LEPR: variants seen among roughly 807,000 people sequenced by gnomAD.
LEPR encodes the protein leptin receptor.
In LEPR, 56 loss-of-function variants were observed where a neutral mutation model predicts 114.7. That is an observed-to-expected ratio of 0.49 (90% CI 0.39 to 0.61). The LOEUF (loss-of-function observed/expected upper bound fraction) is 0.61. LEPR is among the 20% of genes least tolerant of loss of function. The probability of loss-of-function intolerance (pLI) is 0.00; values close to 1 mark genes in which losing one functional copy is unlikely to be tolerated. For synonymous variants in LEPR, 443 were observed against 461.4 expected, an observed-to-expected ratio of 0.96 and a Z score of 0.51; for missense variants, 1,202 against 1,352.9, an observed-to-expected ratio of 0.89 and a Z score of 1.75.
At position 65,637,114 on chromosome 1, in the gene LEPR, A is replaced by C; in HGVS notation, c.*99A>C. 7.6e-7 allele frequency: 1 copy of C among 1,307,604 alleles called. No homozygotes were observed. Among genetic ancestry groups the C allele is most frequent in the South Asian group, 1.3e-5 (1 of 76,390 alleles). The allele number at this position is 1,307,604 out of a possible 1,614,324, so 81.0% of individuals were successfully genotyped here. A position where few individuals can be genotyped will look rare whatever the true frequency, so the allele number is the denominator to read the frequency against. On this transcript the variant is annotated 3_prime_UTR_variant, in exon 20 of 20. Coordinates refer to ENST00000349533, the MANE Select transcript of LEPR (RefSeq NM_002303.6). ...GAGAGAGAAAAGAAACCAGAGTCAA[A>C]TTTGAAAATAATTGTTCCAAATGAA...
chr1:65,478,369 G>C (rs1000675138), intron 2 of LEPR, among the ~76,000 whole-genome samples: 1 of 152,174 alleles, frequency 6.6e-6, no homozygotes, highest in African/African-American at 2.4e-5. Flanking sequence ...CTAAAAGGCT[G>C]CCATGTTTTC....
intron 2 of LEPR, among the ~76,000 whole-genome samples, chr1:65,425,768 A>G (rs973283037): frequency 6.6e-6 from 1 of 152,226 alleles, no homozygotes; most frequent in Non-Finnish European, 1.5e-5. Context: ...CCTGAGTTTC[A>G]GTGGGACAGT....
intron 3 of LEPR, among the ~76,000 whole-genome samples, chr1:65,569,306 C>G (rs1332732992): frequency 1.3e-5 from 2 of 152,176 alleles, no homozygotes; most frequent in Non-Finnish European, 2.9e-5. Flanking sequence ...TCTCAGAATT[C>G]GTATTCTGCA....
At chr1:65,523,403 T>A (rs1275360530) in intron 2 of LEPR, among the ~76,000 whole-genome samples, 1 of 151,300 alleles carries the variant, frequency 6.6e-6, no homozygotes, top group Non-Finnish European at 1.5e-5. Flanking sequence ...CTCTGCCTCC[T>A]GGATTCAACC....
chr1:65,519,153 T>C (rs199880576), intron 2 of LEPR, among the ~76,000 whole-genome samples: 4 of 112,202 alleles, frequency 3.6e-5, no homozygotes, highest in East Asian at 2.4e-4. Context: ...CCTTCCTTCC[T>C]TTCCTTCCTT....
Position 65,456,172 on chromosome 1 carries a change from G to A in LEPR, c.-21+30794G>A, listed in dbSNP as rs986069358. On this transcript the variant is annotated intron_variant, in intron 2 of 19. Transcript: ENST00000349533. ...ACGGTGCGCGCACCCATTGACCTGCGCCCACTGTCTGGCACTCCCTAGTGA... is the reference window on the plus strand; with the variant it reads ...ACGGTGCGCGCACCCATTGACCTGCACCCACTGTCTGGCACTCCCTAGTGA... Among the ~76,000 whole-genome samples, 19 of 151,922 alleles carry A rather than the reference G, an allele frequency of 1.3e-4. 1 individual carries two copies. Among genetic ancestry groups the A allele is most frequent in the South Asian group, 4.2e-4 (2 of 4,818 alleles).
At chr1:65,438,747 A>C (rs1466749065) in intron 2 of LEPR, among the ~76,000 whole-genome samples, 2 of 151,306 alleles carry the variant, frequency 1.3e-5, no homozygotes, top group Admixed American at 6.6e-5. Context: ...TCATTATCTG[A>C]ATTTATCCTC....
At chr1:65,497,302 A>G (rs958165459) in intron 2 of LEPR, among the ~76,000 whole-genome samples, 2 of 152,110 alleles carry the variant, frequency 1.3e-5, no homozygotes, top group Non-Finnish European at 2.9e-5. Context: ...GGAAAAGCTT[A>G]TTCTTTATAA....
chr1:65,436,930 G>C (rs1033509325), intron 2 of LEPR, among the ~76,000 whole-genome samples: 2 of 152,140 alleles, frequency 1.3e-5, no homozygotes, highest in Non-Finnish European at 2.9e-5. Flanking sequence ...CATTTCCTCT[G>C]TGGTTGAGAG....
intron 5 of LEPR, among the ~76,000 whole-genome samples, chr1:65,588,023 C>A (rs1655430745): frequency 6.6e-6 from 1 of 151,972 alleles, no homozygotes; most frequent in Non-Finnish European, 1.5e-5. Context: ...TCCCCAGGTT[C>A]TTTGAAAAAC....
intron 6 of LEPR, among the ~76,000 whole-genome samples, chr1:65,595,772 A>T (rs1316283992): frequency 1.3e-5 from 2 of 152,078 alleles, no homozygotes; most frequent in Non-Finnish European, 2.9e-5. Flanking sequence ...AAATGCATCG[A>T]TTTTCTATCA....
intron 2 of LEPR, among the ~76,000 whole-genome samples, chr1:65,451,087 GTCT>G: frequency 6.6e-6 from 1 of 151,948 alleles, no homozygotes; most frequent in South Asian, 2.1e-4. Context: ...TTTGAGAAGT[GTCT>G]GTTCATGTCC....
At chr1:65,535,277 C>G (rs1444185671) in intron 2 of LEPR, among the ~76,000 whole-genome samples, 1 of 149,692 alleles carries the variant, frequency 6.7e-6, no homozygotes, top group Admixed American at 6.8e-5. Context: ...CATATTAGAC[C>G]TATCCAGGAG....
In LEPR at chr1:65,622,895, A is replaced by G. The variant is rs750321282; in HGVS notation, c.2598-11A>G. ...TTTCTCTAATTTTGATGCCCTGTTT[A>G]TCCTTTGTAGAATGAAAAAGCTATT... is the stretch of plus-strand genomic sequence containing the variant. On this transcript the variant is annotated splice_polypyrimidine_tract_variant and intron_variant, in intron 18 of 19. Coordinates refer to ENST00000349533, the MANE Select transcript of LEPR (RefSeq NM_002303.6). 6.8e-6 allele frequency: 11 copies of G among 1,613,658 alleles called. No homozygotes were observed. Among genetic ancestry groups the G allele is most frequent in the Non-Finnish European group, 8.5e-6 (10 of 1,179,770 alleles).
intron 5 of LEPR, among the ~76,000 whole-genome samples, chr1:65,590,956 A>G (rs1032205150): frequency 5.9e-5 from 9 of 151,296 alleles, no homozygotes; most frequent in East Asian, 1.9e-4. Flanking sequence ...TTTTTCTCAT[A>G]TAGGCAGTTA....
At chr1:65,451,863 T>C (rs1646790305) in intron 2 of LEPR, among the ~76,000 whole-genome samples, 1 of 152,040 alleles carries the variant, frequency 6.6e-6, no homozygotes, top group Non-Finnish European at 1.5e-5. Context: ...GTAAATTACC[T>C]TGGGCGGTAT....
At chr1:65,621,488 G>T in intron 18 of LEPR, 30 bp downstream of exon 18, 1 of 1,583,888 alleles carries the variant, frequency 6.3e-7, no homozygotes, top group South Asian at 1.1e-5. Context: ...GAATCTTTAC[G>T]GCAAAAGTCC....
chr1:65,525,861 T>G, intron 2 of LEPR: 1 of 978,448 alleles, frequency 1.0e-6, no homozygotes, highest in Non-Finnish European at 1.2e-6. Flanking sequence ...TTGCCACCTC[T>G]TCCCGCTCTG....
chr1:65,517,034 G>A (rs1212308669), intron 2 of LEPR, among the ~76,000 whole-genome samples: 2 of 152,156 alleles, frequency 1.3e-5, no homozygotes, highest in African/African-American at 4.8e-5. Context: ...TTAAATTTTA[G>A]TGTTTCGAGT....
Sources: allele counts gnomAD v4.1 joint callset (sites outside exome capture counted in the v4.1 genomes callset), GRCh38; gene constraint gnomAD v4.1.1; transcripts MANE v1.5; gene names NCBI Gene and HGNC (gene_info 2026-07-23, HGNC 2026-07-21).